The following TAFA5 variants were observed in gnomAD, a reference collection of about 807,000 sequenced individuals.
TAFA5 encodes the protein chemokine-like protein TAFA-5.
Under a neutral mutation model 15.3 loss-of-function variants are expected in TAFA5, and 6 were observed. The observed-to-expected ratio is 0.39, with a 90% CI of 0.21 to 0.77. The LOEUF (loss-of-function observed/expected upper bound fraction) is 0.77. Ranked by LOEUF, TAFA5 falls within the 30% of genes least tolerant of loss-of-function variation. The probability of loss-of-function intolerance (pLI) is 0.41; values close to 1 mark genes in which losing one functional copy is unlikely to be tolerated. For missense variants in TAFA5, 161 were observed against 193.1 expected, an observed-to-expected ratio of 0.83 and a Z score of 0.98; for synonymous variants, 103 against 80.7, an observed-to-expected ratio of 1.28 and a Z score of -1.48.
At chr22:48,724,051 C>G (rs988211146) in intron 3 of TAFA5, among the ~76,000 whole-genome samples, 1 of 152,236 alleles carries the variant, frequency 6.6e-6, no homozygotes, top group Admixed American at 6.5e-5. Flanking sequence ...GGTTGCATTG[C>G]TGCAGCAGGA....
intron 1 of TAFA5, among the ~76,000 whole-genome samples, chr22:48,575,384 G>C (rs943072983): frequency 6.7e-6 from 1 of 148,570 alleles, no homozygotes; most frequent in African/African-American, 2.4e-5. Context: ...GCCGGGAGGA[G>C]CGCAGACGGC....
chr22:48,607,126 C>T (rs529464647), intron 1 of TAFA5, among the ~76,000 whole-genome samples: 1 of 152,390 alleles, frequency 6.6e-6, no homozygotes, highest in South Asian at 2.1e-4. Flanking sequence ...TCCCGTTAGC[C>T]TCGGAGGCAG....
intron 2 of TAFA5, among the ~76,000 whole-genome samples, chr22:48,650,809 C>CTGAGA (rs761987519): frequency 1.3e-5 from 2 of 152,118 alleles, no homozygotes; most frequent in East Asian, 3.9e-4. Flanking sequence ...AGCCTCCCCT[C>CTGAGA]CCCCAGGGCT....
intron 1 of TAFA5, among the ~76,000 whole-genome samples, chr22:48,563,558 A>T (rs915774834): frequency 6.6e-6 from 1 of 152,210 alleles, no homozygotes; most frequent in African/African-American, 2.4e-5. Context: ...TGCATCTGCC[A>T]TCTGAGAAGG....
intron 3 of TAFA5, among the ~76,000 whole-genome samples, chr22:48,729,311 TATATA>T (rs1019837012): frequency 7.5e-6 from 1 of 133,526 alleles, no homozygotes; most frequent in Admixed American, 8.1e-5. Flanking sequence ...TATTTATAAA[TATATA>T]ATATTTTTAT....
intron 2 of TAFA5, among the ~76,000 whole-genome samples, chr22:48,684,914 CTG>C (rs1351806359): frequency 6.6e-6 from 1 of 152,234 alleles, no homozygotes; most frequent in African/African-American, 2.4e-5. Flanking sequence ...AAGCCAAACT[CTG>C]TAAAATATTT....
intron 1 of TAFA5, among the ~76,000 whole-genome samples, chr22:48,507,527 G>T (rs1921043096): frequency 6.6e-6 from 1 of 152,230 alleles, no homozygotes; most frequent in Non-Finnish European, 1.5e-5. Context: ...TCTGGAATGT[G>T]CTCAGTGGTT....
At chr22:48,533,147 C>T (rs902491894) in intron 1 of TAFA5, among the ~76,000 whole-genome samples, 1 of 152,138 alleles carries the variant, frequency 6.6e-6, no homozygotes, top group African/African-American at 2.4e-5. Flanking sequence ...CTGCTGCCGC[C>T]CAGCCTGATG....
chr22:48,744,131 C>T (rs1930259867), intron 3 of TAFA5, among the ~76,000 whole-genome samples: 1 of 152,228 alleles, frequency 6.6e-6, no homozygotes, highest in Non-Finnish European at 1.5e-5. Flanking sequence ...GCCTCGTTCC[C>T]AGAATGTGTG....
At chr22:48,584,953 C>T (rs181571817) in intron 1 of TAFA5, among the ~76,000 whole-genome samples, 41,041 of 142,602 alleles carry the variant, frequency 0.29, 7,097 homozygotes, top group Non-Finnish European at 0.39. Flanking sequence ...TGATATCACA[C>T]ACACACCACA....
At position 48,609,185 on chromosome 22, in the gene TAFA5, G is replaced by T. The variant is rs560208290; in HGVS notation, c.113-37412G>T. ...GTGTTCTGAGGAGGAACCTCTACTT[G>T]GGTGGGAAATGCACGTCTCCCAGCT... is the stretch of plus-strand genomic sequence containing the variant. On this transcript the variant is annotated intron_variant, in intron 1 of 3. Transcript: ENST00000402357. 2.6e-5 allele frequency among the ~76,000 whole-genome samples: 4 copies of T among 152,334 alleles called. No homozygotes were observed. In the South Asian group the frequency reaches 8.3e-4, roughly 32 times the overall value.
intron 1 of TAFA5, among the ~76,000 whole-genome samples, chr22:48,563,454 T>C (rs133449): frequency 0.49 from 74,185 of 152,072 alleles, 20,939 homozygotes; most frequent in Non-Finnish European, 0.64. Flanking sequence ...GTGGGGCTGG[T>C]GTTGGCCGCA....
At chr22:48,578,277 G>C (rs924012710) in intron 1 of TAFA5, among the ~76,000 whole-genome samples, 17 of 152,238 alleles carry the variant, frequency 1.1e-4, no homozygotes, top group African/African-American at 4.1e-4. Flanking sequence ...AGTAACGGGA[G>C]AAGCTCCTGG....
At chr22:48,614,006 G>A (rs898015228) in intron 1 of TAFA5, among the ~76,000 whole-genome samples, 2 of 152,210 alleles carry the variant, frequency 1.3e-5, no homozygotes, top group African/African-American at 2.4e-5. Flanking sequence ...AAAGCCGCTC[G>A]CGAGCATGTG....
intron 3 of TAFA5, among the ~76,000 whole-genome samples, chr22:48,730,334 C>T (rs1334913337): frequency 1.3e-5 from 2 of 151,602 alleles, no homozygotes; most frequent in East Asian, 1.9e-4. Flanking sequence ...TACAGTGAGC[C>T]GAGATCACGC....
At chr22:48,685,333 T>C (rs130107) in intron 2 of TAFA5, among the ~76,000 whole-genome samples, 86,768 of 152,086 alleles carry the variant, frequency 0.57, 26,563 homozygotes, top group Non-Finnish European at 0.68. Context: ...GGTGTCAGAC[T>C]CTTAGTGAAA....
intron 1 of TAFA5, among the ~76,000 whole-genome samples, chr22:48,518,396 A>C (rs1414588049): frequency 6.6e-6 from 1 of 152,074 alleles, no homozygotes; most frequent in Admixed American, 6.5e-5. Flanking sequence ...GTCCTCCCCA[A>C]ACCAAGGCAG....
intron 1 of TAFA5, among the ~76,000 whole-genome samples, chr22:48,537,088 G>T (rs374371483): frequency 1.3e-5 from 2 of 152,206 alleles, no homozygotes. Flanking sequence ...TCGGCCTCCC[G>T]GTCTGGCAGG....
intron 1 of TAFA5, among the ~76,000 whole-genome samples, chr22:48,625,381 G>A (rs771472802): frequency 1.6e-4 from 25 of 152,140 alleles, no homozygotes; most frequent in Non-Finnish European, 3.2e-4. Context: ...GCCCCCTCCC[G>A]TTGCCTGTCG....
Sources: gnomAD v4.1 joint callset for allele counts (sites outside exome capture counted in the v4.1 genomes callset) on GRCh38, gnomAD v4.1.1 for gene constraint, MANE v1.5 for transcripts, NCBI Gene and HGNC (gene_info 2026-07-23, HGNC 2026-07-21) for gene names.